The following CLRN1 variants were observed in gnomAD, a reference collection of about 807,000 sequenced individuals.
CLRN1 encodes the protein clarin 1.
Under a neutral mutation model 18.7 loss-of-function variants are expected in CLRN1, and 15 were observed. The ratio of observed to expected loss-of-function variants is 0.80; its 90% CI spans 0.54 to 1.23. The LOEUF (loss-of-function observed/expected upper bound fraction) is 1.23. CLRN1 is among the 50% of genes most tolerant of loss of function. The pLI is 0.00. For missense variants in CLRN1, 311 were observed against 277.5 expected (o/e 1.12, Z -0.86); for synonymous variants, 104 against 102.9 (o/e 1.01, Z -0.07).
intron 1 of CLRN1, among the ~76,000 whole-genome samples, chr3:150,945,199 G>T (rs986428022): frequency 6.6e-6 from 1 of 152,172 alleles, no homozygotes; most frequent in Non-Finnish European, 1.5e-5. Context: ...CCAAGGAGAT[G>T]AACCCAGGGA....
chr3:150,964,723 C>G lies in CLRN1; in HGVS notation c.253+7733G>C, dbSNP rs1022220629. ...ATGTATACCATAGAATGGTATGCAG[C>G]CATAAAATGAGTTCATGCCTTTTGC... On this transcript the variant is annotated intron_variant, in intron 1 of 2. Coordinates refer to ENST00000327047, the MANE Select transcript of CLRN1 (RefSeq NM_174878.3). Among the ~76,000 whole-genome samples, 3 of 152,082 alleles carry G rather than the reference C, an allele frequency of 2.0e-5. No homozygotes were observed. The South Asian group carries it at 6.2e-4, about 32-fold the overall frequency.
chr3:150,926,938 A>C lies in CLRN1; in HGVS notation c.*998T>G. On this transcript the variant is annotated 3_prime_UTR_variant, in exon 3 of 3. Coordinates refer to ENST00000327047, the MANE Select transcript of CLRN1 (RefSeq NM_174878.3). ...GTTGACCTGGGTCATGCTTGGTGAC[A>C]GCCAGAACAAGACCAAGATGATACA... is the stretch of plus-strand genomic sequence containing the variant. 1 of 1,613,054 alleles carries C rather than the reference A, an allele frequency of 6.2e-7. No individual in the cohort carries two copies. Among genetic ancestry groups the C allele is most frequent in the Non-Finnish European group, 8.5e-7 (1 of 1,179,440 alleles).
chr3:150,940,651 G>A (rs1013594463), intron 2 of CLRN1: 19 of 851,126 alleles, frequency 2.2e-5, no homozygotes, highest in Non-Finnish European at 3.0e-5. Context: ...CTGACAAAGT[G>A]TTGGATCTTT....
chr3:150,945,571 G>T (rs776060040), intron 1 of CLRN1: 1 of 1,286,484 alleles, frequency 7.8e-7, no homozygotes, highest in African/African-American at 1.5e-5. Flanking sequence ...CATCCTCTTC[G>T]TAAATACAGA....
intron 1 of CLRN1, among the ~76,000 whole-genome samples, chr3:150,962,273 ATTAG>A (rs1299393892): frequency 9.2e-5 from 14 of 152,224 alleles, no homozygotes; most frequent in Admixed American, 8.5e-4. Flanking sequence ...AAAGTTTGCT[ATTAG>A]TTAGTGCTAT....
At chr3:150,935,825 A>C (rs1363488922) in intron 2 of CLRN1, among the ~76,000 whole-genome samples, 1 of 131,900 alleles carries the variant, frequency 7.6e-6, no homozygotes, top group East Asian at 2.2e-4. Context: ...TGACTTTTTA[A>C]TGATTGCCAT....
At chr3:150,964,759 A>G (rs1185527388) in intron 1 of CLRN1, among the ~76,000 whole-genome samples, 2 of 152,226 alleles carry the variant, frequency 1.3e-5, no homozygotes, top group African/African-American at 4.8e-5. Context: ...AGGAACATGA[A>G]TGAAGCTGGA....
At chr3:150,938,656 G>C (rs543347699) in intron 2 of CLRN1, among the ~76,000 whole-genome samples, 1 of 152,176 alleles carries the variant, frequency 6.6e-6, no homozygotes, top group African/African-American at 2.4e-5. Flanking sequence ...AAAAACACTG[G>C]GTGATCTAAA....
Position 150,928,208 on chromosome 3 carries a change from C to T in CLRN1, c.434-7G>A. 1 of 1,613,840 alleles carries T rather than the reference C, an allele frequency of 6.2e-7. No homozygotes were observed. The highest frequency in any genetic ancestry group is 8.5e-7 in the Non-Finnish European group (1 of 1,179,954). On this transcript the variant is annotated splice_polypyrimidine_tract_variant and splice_region_variant and intron_variant, in intron 2 of 2. Transcript: ENST00000327047. ...ACAAGACAGCCACAGGAGCCTGCAACAGAAGAAACAAGGTGTTGGGACAAA... is the reference window on the plus strand; with the variant it reads ...ACAAGACAGCCACAGGAGCCTGCAATAGAAGAAACAAGGTGTTGGGACAAA...
intron 2 of CLRN1, among the ~76,000 whole-genome samples, chr3:150,931,565 T>C (rs748561740): frequency 3.3e-5 from 5 of 152,176 alleles, no homozygotes; most frequent in African/African-American, 7.2e-5. Context: ...ATTCCTCCCA[T>C]GGTCAGAGGG....
intron 1 of CLRN1, 121 bp downstream of exon 1, chr3:150,972,335 G>T: frequency 7.9e-7 from 1 of 1,270,696 alleles, no homozygotes. Context: ...TTTTTCATAT[G>T]GTTCACACCG....
Position 150,972,371 on chromosome 3 carries a change from G to C in CLRN1, c.253+85C>G, listed in dbSNP as rs147521211. 64 of 1,587,090 alleles carry C rather than the reference G, an allele frequency of 4.0e-5. No homozygotes were observed. The East Asian group carries it at 1.1e-3, about 28-fold the overall frequency. On this transcript the variant is annotated intron_variant, in intron 1 of 2. Coordinates refer to ENST00000327047, the MANE Select transcript of CLRN1 (RefSeq NM_174878.3). ...ATTTAAAAAGTCCTGCAGTAAACAC[G>C]GCAAAATTCTCAAATATAATTCCTC...
intron 1 of CLRN1, among the ~76,000 whole-genome samples, chr3:150,944,587 C>T (rs550569490): frequency 2.9e-4 from 44 of 150,326 alleles, no homozygotes; most frequent in Admixed American, 2.1e-3. Flanking sequence ...AGGCCGGGTG[C>T]GGTGGCTCAC....
At chr3:150,953,088 G>T (rs1057282564) in intron 1 of CLRN1, among the ~76,000 whole-genome samples, 2 of 152,176 alleles carry the variant, frequency 1.3e-5, no homozygotes, top group African/African-American at 4.8e-5. Flanking sequence ...ACTGAGAGTT[G>T]TCACTTTAAT....
intron 2 of CLRN1, among the ~76,000 whole-genome samples, chr3:150,931,263 G>A (rs1283424011): frequency 1.3e-5 from 2 of 152,212 alleles, no homozygotes; most frequent in Non-Finnish European, 2.9e-5. Flanking sequence ...AAAGAAGTGT[G>A]TAAGTGATAT....
At chr3:150,951,907 C>A (rs1314684139) in intron 1 of CLRN1, among the ~76,000 whole-genome samples, 1 of 152,144 alleles carries the variant, frequency 6.6e-6, no homozygotes, top group East Asian at 1.9e-4. Context: ...GAACTCTGCC[C>A]CCATGACCCA....
At chr3:150,930,726 A>T (rs1329653515) in intron 2 of CLRN1, among the ~76,000 whole-genome samples, 1 of 152,200 alleles carries the variant, frequency 6.6e-6, no homozygotes, top group Admixed American at 6.5e-5. Context: ...GGAGATGGTG[A>T]ATTTCAGACA....
chr3:150,971,173 T>A (rs1715519305), intron 1 of CLRN1, among the ~76,000 whole-genome samples: 2 of 152,168 alleles, frequency 1.3e-5, no homozygotes, highest in African/African-American at 4.8e-5. Flanking sequence ...CAGTTGCATA[T>A]CACATGACAT....
intron 1 of CLRN1, 151 bp downstream of exon 1, chr3:150,972,305 A>G (rs1266201025): frequency 2.4e-6 from 2 of 846,992 alleles, no homozygotes; most frequent in Non-Finnish European, 3.7e-6. Flanking sequence ...TAGGAAGAAG[A>G]AATTGCTCAG....
Sources: gnomAD v4.1 joint callset for allele counts (sites outside exome capture counted in the v4.1 genomes callset) on GRCh38, gnomAD v4.1.1 for gene constraint, MANE v1.5 for transcripts, NCBI Gene and HGNC (gene_info 2026-07-23, HGNC 2026-07-21) for gene names.